Variants in NCKAP1 observed in about 807,000 individuals in gnomAD.
NCKAP1 encodes the protein NCK associated protein 1, also known as nck-associated protein 1.
NCKAP1 carries 21 observed loss-of-function variants against 151.2 expected under a neutral mutation model. That is an observed-to-expected ratio of 0.14 (90% CI 0.10 to 0.20). The LOEUF is 0.20. Among genes scored for constraint, NCKAP1 ranks in the 10% least tolerant of loss-of-function variants. NCKAP1 has a pLI of 1.00. For synonymous variants in NCKAP1, 484 were observed against 451.8 expected (o/e 1.07, Z -0.90); for missense variants, 933 against 1,352.1 (o/e 0.69, Z 4.86).
At chr2:183,028,073 A>C (rs969484607) in intron 1 of NCKAP1, among the ~76,000 whole-genome samples, 24 of 152,158 alleles carry the variant, frequency 1.6e-4, no homozygotes, top group African/African-American at 5.5e-4. Flanking sequence ...ACAAATTACC[A>C]ATTCAATTAA....
At chr2:183,033,751 T>C (rs1301434666) in intron 1 of NCKAP1, among the ~76,000 whole-genome samples, 1 of 152,184 alleles carries the variant, frequency 6.6e-6, no homozygotes, top group Non-Finnish European at 1.5e-5. Context: ...CCAGTATGGG[T>C]TCTTCTACTT....
In NCKAP1 at chr2:183,002,070, T is replaced by C. The variant is rs376280168; in HGVS notation, c.513-27A>G. On this transcript the variant is annotated intron_variant, in intron 5 of 30. Transcript: ENST00000361354. ...TTAAAACAGACATATCAAATTTCAATGAGTTGTAATCCATCAAACTGAGCA... is the reference window on the plus strand; with the variant it reads ...TTAAAACAGACATATCAAATTTCAACGAGTTGTAATCCATCAAACTGAGCA... 4.8e-4 allele frequency: 769 copies of C among 1,612,128 alleles called. 2 individuals carry two copies. The highest frequency in any genetic ancestry group is 6.0e-4 in the Non-Finnish European group (711 of 1,178,502).
At position 182,915,859 on chromosome 2, in the gene NCKAP1, T is replaced by C. The variant is rs76925715; in HGVS notation, c.*9843A>G. On this transcript the variant is annotated 3_prime_UTR_variant, in exon 31 of 31. Transcript: ENST00000361354. ...TCTGATGGCCTCTCTTCTTTGCTCTTGGCATTTCACTTAAATTTTCAGATT... is the reference window on the plus strand; with the variant it reads ...TCTGATGGCCTCTCTTCTTTGCTCTCGGCATTTCACTTAAATTTTCAGATT... 1 of 152,212 alleles carries C rather than the reference T, an allele frequency of 6.6e-6. No homozygotes were observed. Among genetic ancestry groups the C allele is most frequent in the Non-Finnish European group, 1.5e-5 (1 of 68,048 alleles). 9.4% of individuals were successfully genotyped at this position (152,212 alleles called of 1,614,324 possible).
At chr2:182,947,599 G>A (rs545675266) in intron 23 of NCKAP1, among the ~76,000 whole-genome samples, 1 of 152,178 alleles carries the variant, frequency 6.6e-6, no homozygotes, top group East Asian at 1.9e-4. Flanking sequence ...TTATTTTATA[G>A]AGATATATAT....
In NCKAP1 at chr2:182,989,280, C is replaced by T. The variant is rs775651694; in HGVS notation, c.791-94G>A. 228 of 926,446 alleles carry T rather than the reference C, an allele frequency of 2.5e-4. 1 individual carries two copies. The Middle Eastern group carries it at 2.9e-3, about 12-fold the overall frequency. The allele number at this position is 926,446 out of a possible 1,614,324, so 57.4% of individuals were successfully genotyped here. On this transcript the variant is annotated intron_variant, in intron 8 of 30. Coordinates refer to ENST00000361354, the MANE Select transcript of NCKAP1 (RefSeq NM_013436.5). ...CTTTTGAAAAATACAGAAACGTAAC[C>T]ACGATCACTAAATTGAGGCTTCTGA...
intron 14 of NCKAP1, 119 bp from the exon 15 acceptor site, chr2:182,977,070 T>A: frequency 1.8e-6 from 1 of 563,228 alleles, no homozygotes; most frequent in Non-Finnish European, 2.9e-6. Context: ...CTAAAACAAT[T>A]AAAGCCAAGG....
At chr2:182,972,405 A>G (rs1162757359) in intron 15 of NCKAP1, among the ~76,000 whole-genome samples, 7 of 152,216 alleles carry the variant, frequency 4.6e-5, no homozygotes, top group Non-Finnish European at 1.0e-4. Context: ...AATGGCTATT[A>G]TCAAAAAACA....
rs147778721 is a variant in NCKAP1, at chr2:183,023,818, G to A, written c.207C>T (p.Thr69=). ...TTAGATAACTTACATTGTTGTTGCGGGTTTCTACAGCAGGGAATTTTCTGA... is the reference window on the plus strand; with the variant it reads ...TTAGATAACTTACATTGTTGTTGCGAGTTTCTACAGCAGGGAATTTTCTGA... The part of the protein sequence containing the change: ...FIVRKFPAVE[T]RNNNQQLAQL... Residue 69 remains threonine (T), a synonymous_variant, in exon 2 of 31, where the codon ACC becomes ACT. Transcript: ENST00000361354. 1.2e-6 allele frequency: 2 copies of A among 1,609,022 alleles called. No homozygotes were observed. Among genetic ancestry groups the A allele is most frequent in the Non-Finnish European group, 1.7e-6 (2 of 1,176,060 alleles).
intron 2 of NCKAP1, among the ~76,000 whole-genome samples, chr2:183,016,026 A>G (rs988732454): frequency 3.9e-5 from 6 of 152,098 alleles, no homozygotes; most frequent in Non-Finnish European, 8.8e-5. Context: ...TGCATAGGAG[A>G]GACACTGTCT....
Position 183,012,544 on chromosome 2 carries a change from C to G in NCKAP1, c.220-9219G>C, listed in dbSNP as rs189243970. ...CTTAAAATCTGTAATACTCTGCCTC[C>G]ACAAATTCTTTCAACACAGAGGGAC... On this transcript the variant is annotated intron_variant, in intron 2 of 30. Coordinates refer to ENST00000361354, the MANE Select transcript of NCKAP1 (RefSeq NM_013436.5). Among the ~76,000 whole-genome samples, 18 of 152,016 alleles carry G rather than the reference C, an allele frequency of 1.2e-4. No individual in the cohort carries two copies. The East Asian group carries it at 2.9e-3, about 25-fold the overall frequency.
intron 14 of NCKAP1, among the ~76,000 whole-genome samples, chr2:182,977,459 C>T (rs1697848911): frequency 6.6e-6 from 1 of 152,148 alleles, no homozygotes; most frequent in South Asian, 2.1e-4. Context: ...CACAGCACTC[C>T]AGCCTGGGCA....
chr2:182,974,303 G>A (rs1697761053), intron 15 of NCKAP1, among the ~76,000 whole-genome samples: 1 of 150,772 alleles, frequency 6.6e-6, no homozygotes, highest in African/African-American at 2.4e-5. Context: ...CAGTAGAAAG[G>A]GTCTGAGTGA....
At chr2:182,928,682 G>T in intron 28 of NCKAP1, 101 bp downstream of exon 28, 1 of 728,608 alleles carries the variant, frequency 1.4e-6, no homozygotes, top group Non-Finnish European at 2.2e-6. Flanking sequence ...ACTACCCCAT[G>T]TTCCACTGCC....
At chr2:183,015,715 C>G (rs1004426911) in intron 2 of NCKAP1, among the ~76,000 whole-genome samples, 9 of 151,538 alleles carry the variant, frequency 5.9e-5, no homozygotes, top group Admixed American at 1.3e-4. Flanking sequence ...GAAATCCAAA[C>G]CAAGCACTTA....
intron 10 of NCKAP1, 113 bp downstream of exon 10, chr2:182,986,058 C>A (rs1275907519): frequency 2.2e-6 from 2 of 907,410 alleles, no homozygotes; most frequent in Non-Finnish European, 3.4e-6. Context: ...CTGAAAGTCC[C>A]CCTCTTCTAC....
At chr2:183,032,395 TTCATCATTGTGTGA>T (rs1346669565) in intron 1 of NCKAP1, among the ~76,000 whole-genome samples, 1 of 152,194 alleles carries the variant, frequency 6.6e-6, no homozygotes, top group Non-Finnish European at 1.5e-5. Context: ...ATCAGATGAT[TTCATCATTGTGTGA>T]ACATCAGAGC....
intron 17 of NCKAP1, 21 bp from the exon 18 acceptor site, chr2:182,962,299 T>C: frequency 5.1e-6 from 8 of 1,570,388 alleles, no homozygotes; most frequent in Non-Finnish European, 6.1e-6. Context: ...AGAATAATAA[T>C]AATAATACAA....
At chr2:183,025,438 C>T (rs1427092387) in intron 1 of NCKAP1, among the ~76,000 whole-genome samples, 1 of 152,062 alleles carries the variant, frequency 6.6e-6, no homozygotes. Context: ...TCAAACATCA[C>T]CTAACTTCCT....
At position 182,965,721 on chromosome 2, in the gene NCKAP1, T is replaced by C. The variant is rs191409900; in HGVS notation, c.1629-913A>G. 1.3e-3 allele frequency among the ~76,000 whole-genome samples: 192 copies of C among 152,330 alleles called. 2 individuals carry two copies. Among genetic ancestry groups the C allele is most frequent in the African/African-American group, 4.5e-3 (186 of 41,578 alleles). ...CAAACATTATTCAAAGTGCTTTTAG[T>C]TCCAAGAAAGGGGATATGACTTTCT... On this transcript the variant is annotated intron_variant, in intron 16 of 30. Coordinates refer to ENST00000361354, the MANE Select transcript of NCKAP1 (RefSeq NM_013436.5).
Sources: gnomAD v4.1 joint callset for allele counts (sites outside exome capture counted in the v4.1 genomes callset) on GRCh38, gnomAD v4.1.1 for gene constraint, MANE v1.5 for transcripts, NCBI Gene and HGNC (gene_info 2026-07-23, HGNC 2026-07-21) for gene names.